The following PCCB variants were observed in gnomAD, a reference collection of about 807,000 sequenced individuals.
PCCB encodes the protein propionyl-CoA carboxylase beta chain, mitochondrial.
In PCCB, 43 loss-of-function variants were observed where a neutral mutation model predicts 60.7. The observed-to-expected ratio is 0.71, with a 90% CI of 0.55 to 0.91. The LOEUF is 0.91. Ranked by LOEUF, PCCB falls within the 40% of genes least tolerant of loss-of-function variation. The pLI is 0.00. For synonymous variants in PCCB, 276 were observed against 255.9 expected (o/e 1.08, Z -0.75); for missense variants, 766 against 702.8 (o/e 1.09, Z -1.02).
chr3:136,327,546 T>C, intron 12 of PCCB, 88 bp from the exon 13 acceptor site: 1 of 1,014,388 alleles, frequency 9.9e-7, no homozygotes, highest in Non-Finnish European at 1.6e-6. Flanking sequence ...TTGTTCTTTG[T>C]CCCAATTTTA....
intron 3 of PCCB, among the ~76,000 whole-genome samples, chr3:136,257,232 G>A (rs577558142): frequency 6.6e-6 from 1 of 152,148 alleles, no homozygotes; most frequent in Non-Finnish European, 1.5e-5. Flanking sequence ...AAGTGGAAGA[G>A]GGAGGTAGAA....
At chr3:136,300,793 C>A (rs538928968) in intron 8 of PCCB, among the ~76,000 whole-genome samples, 10 of 152,134 alleles carry the variant, frequency 6.6e-5, no homozygotes, top group Non-Finnish European at 2.9e-5. Flanking sequence ...GAGGAATAAA[C>A]TCATTTTTTC....
At chr3:136,300,605 G>T (rs904290616) in intron 8 of PCCB, among the ~76,000 whole-genome samples, 1 of 152,210 alleles carries the variant, frequency 6.6e-6, no homozygotes, top group African/African-American at 2.4e-5. Flanking sequence ...TGAACCCACA[G>T]TGGTTTATGC....
chr3:136,275,293 A>G (rs1942309178), intron 5 of PCCB, among the ~76,000 whole-genome samples: 1 of 150,700 alleles, frequency 6.6e-6, no homozygotes, highest in Non-Finnish European at 1.5e-5. Flanking sequence ...TTTTTTCTTT[A>G]TGATATCTAT....
intron 5 of PCCB, among the ~76,000 whole-genome samples, chr3:136,264,030 C>A (rs1257163538): frequency 6.6e-6 from 1 of 150,860 alleles, no homozygotes; most frequent in African/African-American, 2.4e-5. Context: ...AAAAAAAATT[C>A]AAACTTCACA....
chr3:136,288,208 T>A (rs190336844), intron 6 of PCCB, among the ~76,000 whole-genome samples: 49 of 152,390 alleles, frequency 3.2e-4, no homozygotes, highest in Non-Finnish European at 2.1e-4. Context: ...TCTTGGTGAA[T>A]GTTCCATGGG....
chr3:136,312,249 G>A (rs1435589348), intron 9 of PCCB, among the ~76,000 whole-genome samples: 1 of 152,222 alleles, frequency 6.6e-6, no homozygotes, highest in Non-Finnish European at 1.5e-5. Context: ...AACCTAGATG[G>A]TATAACCTAT....
intron 5 of PCCB, among the ~76,000 whole-genome samples, chr3:136,268,753 C>T (rs958825553): frequency 1.3e-5 from 2 of 151,968 alleles, no homozygotes; most frequent in South Asian, 2.1e-4. Context: ...CGTGAGCCAC[C>T]GCACCCAGCC....
intron 10 of PCCB, among the ~76,000 whole-genome samples, chr3:136,318,110 G>A (rs762080625): frequency 3.3e-5 from 5 of 152,182 alleles, no homozygotes; most frequent in Non-Finnish European, 5.9e-5. Context: ...AGGCCAAGGC[G>A]GGTGGATCAC....
At chr3:136,310,449 G>T (rs1294133426) in intron 9 of PCCB, among the ~76,000 whole-genome samples, 1 of 152,104 alleles carries the variant, frequency 6.6e-6, no homozygotes, top group Non-Finnish European at 1.5e-5. Context: ...TTGAGCCCAG[G>T]AAGTTGAGGG....
chr3:136,299,561 T>G (rs1344828729), intron 8 of PCCB, among the ~76,000 whole-genome samples: 1 of 117,336 alleles, frequency 8.5e-6, no homozygotes, highest in Non-Finnish European at 1.8e-5. Flanking sequence ...CATGTGTATG[T>G]ATGTATATGC....
chr3:136,293,767 C>G lies in PCCB; in HGVS notation c.666C>G (p.Tyr222Ter). The G allele has an allele frequency of 6.2e-7, 1 of 1,608,538 alleles. No homozygotes were observed. The highest frequency in any genetic ancestry group is 8.5e-7 in the Non-Finnish European group (1 of 1,175,030). ...ATCTTTTATTTCAGGACACCTCCTA[C>G]CTGTTCATCACTGGCCCTGATGTTG... ...DFTFMVKDTS[Y>*]LFITGPDVVK... Residue 222 changes from tyrosine (Y) to a stop codon, truncating the protein, a stop_gained, in exon 7 of 15, where the codon TAC (tyrosine) becomes TAG (stop). Transcript: ENST00000251654. LOFTEE classifies it high-confidence loss of function.
intron 6 of PCCB, among the ~76,000 whole-genome samples, chr3:136,285,640 G>T (rs920045105): frequency 6.6e-6 from 1 of 151,686 alleles, no homozygotes; most frequent in Non-Finnish European, 1.5e-5. Flanking sequence ...TATTCCCTTG[G>T]CTTCCATTAT....
chr3:136,264,674 C>A (rs926545581), intron 5 of PCCB, among the ~76,000 whole-genome samples: 1 of 149,774 alleles, frequency 6.7e-6, no homozygotes, highest in Non-Finnish European at 1.5e-5. Flanking sequence ...GAGATCAAGA[C>A]CGTCCTGGCT....
At chr3:136,250,672 G>A in intron 1 of PCCB, 114 bp downstream of exon 1, 8 of 1,079,246 alleles carry the variant, frequency 7.4e-6, no homozygotes, top group Non-Finnish European at 1.1e-5. Flanking sequence ...GCCTGGAGGG[G>A]CCGGAGCAAG....
intron 7 of PCCB, among the ~76,000 whole-genome samples, chr3:136,297,380 A>C (rs898257286): frequency 6.6e-6 from 1 of 152,162 alleles, no homozygotes. Context: ...CGCTTTCTCC[A>C]TCATACCTAT....
intron 9 of PCCB, among the ~76,000 whole-genome samples, chr3:136,309,801 CAA>C (rs202216438): frequency 3.9e-5 from 5 of 128,366 alleles, no homozygotes; most frequent in African/African-American, 1.1e-4. Flanking sequence ...GACCCTGTCT[CAA>C]AAAAAAAAAA....
chr3:136,322,490 C>T (rs1935143953), intron 10 of PCCB, among the ~76,000 whole-genome samples: 1 of 152,134 alleles, frequency 6.6e-6, no homozygotes, highest in Non-Finnish European at 1.5e-5. Flanking sequence ...AGAAAGTATT[C>T]TTTCTGCTTC....
chr3:136,289,181 A>G (rs947554761), intron 6 of PCCB, among the ~76,000 whole-genome samples: 13 of 152,108 alleles, frequency 8.5e-5, no homozygotes, highest in East Asian at 1.9e-4. Flanking sequence ...GAGTTCATCT[A>G]TGTCTTTACT....
Sources: gnomAD v4.1 joint callset for allele counts (sites outside exome capture counted in the v4.1 genomes callset) on GRCh38, gnomAD v4.1.1 for gene constraint, MANE v1.5 for transcripts, NCBI Gene and HGNC (gene_info 2026-07-23, HGNC 2026-07-21) for gene names.